The following DMRT1 variants were observed in gnomAD, a reference collection of about 807,000 sequenced individuals.
DMRT1 encodes the protein doublesex and mab-3 related transcription factor 1, also known as doublesex- and mab-3-related transcription factor 1.
In DMRT1, 7 loss-of-function variants were observed where a neutral mutation model predicts 32.3. The ratio of observed to expected loss-of-function variants is 0.22; its 90% confidence interval spans 0.12 to 0.41. The LOEUF is 0.41. Among genes scored for constraint, DMRT1 ranks in the 10% least tolerant of loss-of-function variants. The pLI is 1.00. For synonymous variants in DMRT1, 278 were observed against 206.1 expected, an observed-to-expected ratio of 1.35 and a Z score of -2.99; for missense variants, 625 against 500.5, an observed-to-expected ratio of 1.25 and a Z score of -2.37.
chr9:900,045 C>T (rs1468009085), intron 3 of DMRT1, among the ~76,000 whole-genome samples: 1 of 152,228 alleles, frequency 6.6e-6, no homozygotes, highest in East Asian at 1.9e-4. Context: ...AACATGCTTC[C>T]AGAGCCCACC....
chr9:886,291 T>A (rs769436485), intron 2 of DMRT1, among the ~76,000 whole-genome samples: 7 of 152,232 alleles, frequency 4.6e-5, no homozygotes, highest in Non-Finnish European at 1.0e-4. Context: ...AGTCTCGCTC[T>A]GTCACCCAGG....
At chr9:864,865 G>A (rs1009482835) in intron 2 of DMRT1, among the ~76,000 whole-genome samples, 1 of 44,172 alleles carries the variant, frequency 2.3e-5, no homozygotes, top group African/African-American at 8.2e-5. Context: ...CAAGTTTTAA[G>A]CCAAAAGCTT....
At chr9:918,510 G>A (rs560807461) in intron 4 of DMRT1, among the ~76,000 whole-genome samples, 2 of 152,338 alleles carry the variant, frequency 1.3e-5, no homozygotes, top group African/African-American at 4.8e-5. Context: ...CAGAAGGAAA[G>A]AGGTTACAGT....
chr9:874,961 C>T (rs1295375584), intron 2 of DMRT1, among the ~76,000 whole-genome samples: 2 of 151,848 alleles, frequency 1.3e-5, no homozygotes, highest in East Asian at 1.9e-4. Flanking sequence ...GTGCCCGCCA[C>T]CACGCCCGGC....
At chr9:857,797 C>T (rs1169089238) in intron 2 of DMRT1, among the ~76,000 whole-genome samples, 2 of 123,438 alleles carry the variant, frequency 1.6e-5, no homozygotes, top group Non-Finnish European at 3.2e-5. Flanking sequence ...CCACAACAGG[C>T]CCTGGTGTGT....
At chr9:917,557 T>C (rs958320796) in intron 4 of DMRT1, among the ~76,000 whole-genome samples, 11 of 152,222 alleles carry the variant, frequency 7.2e-5, no homozygotes, top group African/African-American at 2.7e-4. Flanking sequence ...AAGTTCTTTA[T>C]AGTTAAGCAT....
At chr9:931,175 T>A (rs1446028599) in intron 4 of DMRT1, among the ~76,000 whole-genome samples, 2 of 152,250 alleles carry the variant, frequency 1.3e-5, no homozygotes, top group Admixed American at 1.3e-4. Context: ...TTTATCCATG[T>A]TGTAGCATGT....
chr9:921,104 C>T (rs773943566), intron 4 of DMRT1, among the ~76,000 whole-genome samples: 2 of 152,024 alleles, frequency 1.3e-5, no homozygotes, highest in Admixed American at 6.6e-5. Flanking sequence ...GTTGGGCAAC[C>T]GTCACCTCTA....
intron 2 of DMRT1, among the ~76,000 whole-genome samples, chr9:851,947 GTT>G (rs34497760): frequency 1.4e-4 from 19 of 138,096 alleles, no homozygotes; most frequent in Non-Finnish European, 1.6e-4. Flanking sequence ...CTTTTTTTTT[GTT>G]TTTTTTTTTT....
chr9:899,560 A>G (rs1325819888), intron 3 of DMRT1, among the ~76,000 whole-genome samples: 1 of 152,184 alleles, frequency 6.6e-6, no homozygotes, highest in Admixed American at 6.5e-5. Context: ...TGGCCCAATC[A>G]TAGATTCCTG....
chr9:874,011 G>T (rs1324122972), intron 2 of DMRT1, among the ~76,000 whole-genome samples: 1 of 152,186 alleles, frequency 6.6e-6, no homozygotes, highest in Non-Finnish European at 1.5e-5. Context: ...ACAGAGTATG[G>T]TGACCATGTA....
chr9:862,049 C>A (rs1815725540), intron 2 of DMRT1, among the ~76,000 whole-genome samples: 1 of 151,822 alleles, frequency 6.6e-6, no homozygotes, highest in South Asian at 2.1e-4. Flanking sequence ...CTCCTCACAT[C>A]CCAGACGATG....
intron 4 of DMRT1, among the ~76,000 whole-genome samples, chr9:927,188 C>T (rs569851340): frequency 6.6e-6 from 1 of 152,376 alleles, no homozygotes; most frequent in African/African-American, 2.4e-5. Context: ...CTTGAATAAC[C>T]TTCAGGAAAG....
chr9:855,076 T>C (rs986778855), intron 2 of DMRT1, among the ~76,000 whole-genome samples: 1 of 151,906 alleles, frequency 6.6e-6, no homozygotes, highest in Admixed American at 6.6e-5. Flanking sequence ...CAGGGACTGA[T>C]GGCTTTGATA....
At chr9:913,244 A>G (rs1317985982) in intron 3 of DMRT1, among the ~76,000 whole-genome samples, 5 of 152,208 alleles carry the variant, frequency 3.3e-5, no homozygotes, top group Admixed American at 2.6e-4. Context: ...TGGCTTGAAG[A>G]TATTGTCAAA....
intron 3 of DMRT1, among the ~76,000 whole-genome samples, chr9:910,670 C>A (rs1817941176): frequency 6.6e-6 from 1 of 151,838 alleles, no homozygotes; most frequent in Non-Finnish European, 1.5e-5. Flanking sequence ...TTTAATAGAA[C>A]ACAACTCCAA....
intron 4 of DMRT1, among the ~76,000 whole-genome samples, chr9:957,372 A>G (rs545778205): frequency 6.6e-6 from 1 of 152,362 alleles, no homozygotes; most frequent in African/African-American, 2.4e-5. Context: ...AAAATGTTTT[A>G]AGAAATACAT....
At chr9:917,353 A>G (rs1349249022) in intron 4 of DMRT1, among the ~76,000 whole-genome samples, 3 of 152,202 alleles carry the variant, frequency 2.0e-5, no homozygotes, top group Admixed American at 6.5e-5. Context: ...TTTGAATACA[A>G]TAGATCTCAG....
intron 1 of DMRT1, among the ~76,000 whole-genome samples, chr9:844,335 A>G (rs774631123): frequency 4.0e-5 from 6 of 151,222 alleles, no homozygotes; most frequent in Non-Finnish European, 7.3e-5. Flanking sequence ...AAATAATTGT[A>G]TAGTTGCATT....
Sources: allele counts gnomAD v4.1 joint callset (sites outside exome capture counted in the v4.1 genomes callset), GRCh38; gene constraint gnomAD v4.1.1; transcripts MANE v1.5; gene names NCBI Gene and HGNC (gene_info 2026-07-23, HGNC 2026-07-21).